Variants in TIAM1 observed in about 807,000 individuals in gnomAD.
TIAM1 encodes the protein TIAM Rac1 associated GEF 1.
TIAM1 carries 65 observed loss-of-function variants against 163.5 expected under a neutral mutation model. The ratio of observed to expected loss-of-function variants is 0.40; its 90% CI spans 0.33 to 0.49. The LOEUF (loss-of-function observed/expected upper bound fraction) is 0.49. Ranked by LOEUF, TIAM1 falls within the 20% of genes least tolerant of loss-of-function variation. TIAM1 has a pLI of 0.77. For missense variants in TIAM1, 1,789 were observed against 2,044.7 expected, an observed-to-expected ratio of 0.87 and a Z score of 2.41; for synonymous variants, 833 against 810.1, an observed-to-expected ratio of 1.03 and a Z score of -0.48.
intron 10 of TIAM1, among the ~76,000 whole-genome samples, chr21:31,210,606 G>A (rs1430909807): frequency 1.0e-4 from 8 of 76,810 alleles, no homozygotes; most frequent in Admixed American, 1.5e-4. Flanking sequence ...GAGAAAGAAG[G>A]AAGGAAGGGA....
chr21:31,215,986 C>A (rs1220812093), intron 9 of TIAM1, among the ~76,000 whole-genome samples: 1 of 152,118 alleles, frequency 6.6e-6, no homozygotes, highest in Non-Finnish European at 1.5e-5. Flanking sequence ...CATGGTGAAA[C>A]CCCATCTCTA....
intron 6 of TIAM1, among the ~76,000 whole-genome samples, chr21:31,229,942 C>T (rs1427938615): frequency 1.3e-5 from 2 of 152,164 alleles, no homozygotes; most frequent in African/African-American, 4.8e-5. Flanking sequence ...CGTGAGCTAC[C>T]GCGCCCGGCC....
chr21:31,150,613 T>C (rs967624851), intron 19 of TIAM1, among the ~76,000 whole-genome samples: 2 of 152,102 alleles, frequency 1.3e-5, no homozygotes, highest in Non-Finnish European at 2.9e-5. Flanking sequence ...TGTAAAACTA[T>C]AAAACTTCTA....
upstream of TIAM1, among the ~76,000 whole-genome samples, chr21:31,345,898 C>A (rs182752159): frequency 6.6e-6 from 1 of 152,224 alleles, no homozygotes; most frequent in East Asian, 1.9e-4. Context: ...TGCAGTGAGC[C>A]AAGATCACAC....
chr21:31,251,347 T>C (rs2071793713), intron 5 of TIAM1, among the ~76,000 whole-genome samples: 1 of 152,152 alleles, frequency 6.6e-6, no homozygotes, highest in African/African-American at 2.4e-5. Context: ...GAATAGGTTC[T>C]AGCTTATTTA....
At chr21:31,388,981 C>T (rs932805540) in intron 2 of TIAM1, among the ~76,000 whole-genome samples, 3 of 152,146 alleles carry the variant, frequency 2.0e-5, no homozygotes, top group African/African-American at 4.8e-5. Context: ...TGCAAAGGGC[C>T]GGATGGTAAA....
At chr21:31,153,984 AGCGCAGGAAGTAAAG>A (rs1172531821) in intron 17 of TIAM1, among the ~76,000 whole-genome samples, 1 of 152,214 alleles carries the variant, frequency 6.6e-6, no homozygotes, top group East Asian at 1.9e-4. Context: ...GGATTACTTG[AGCGCAGGAAGTAAAG>A]GCTGCAGTGA....
chr21:31,218,400 T>A (rs1348868541), intron 8 of TIAM1, among the ~76,000 whole-genome samples: 1 of 152,016 alleles, frequency 6.6e-6, no homozygotes, highest in Non-Finnish European at 1.5e-5. Context: ...AAACCCTGTC[T>A]TAACTAAAAA....
At position 31,127,050 on chromosome 21, in the gene TIAM1, C is replaced by T. The variant is rs774772394; in HGVS notation, c.4133+15G>A. On this transcript the variant is annotated intron_variant, in intron 26 of 27. Transcript: ENST00000541036. ...AAATGTCAACACGGCCTCGACTTTACAGGCCCAGGCTCACCTGCAGCACAA... is the reference window on the plus strand; with the variant it reads ...AAATGTCAACACGGCCTCGACTTTATAGGCCCAGGCTCACCTGCAGCACAA... 3 of 1,613,112 alleles carry T rather than the reference C, an allele frequency of 1.9e-6. No individual in the cohort carries two copies. Among genetic ancestry groups the T allele is most frequent in the African/African-American group, 2.7e-5 (2 of 74,888 alleles).
At chr21:31,377,564 A>C (rs1261065593) in intron 2 of TIAM1, among the ~76,000 whole-genome samples, 2 of 152,166 alleles carry the variant, frequency 1.3e-5, no homozygotes, top group Admixed American at 6.5e-5. Flanking sequence ...CGCCTCTGAC[A>C]GACACTGATG....
chr21:31,225,877 T>C lies in TIAM1; in HGVS notation c.1658A>G (p.His553Arg). 6.2e-7 allele frequency: 1 copy of C among 1,614,208 alleles called. No homozygotes were observed. Residue 553 changes from histidine to arginine, a missense_variant, in exon 7 of 28, where the codon CAC becomes CGC. Physicochemically the swap from His to Arg is conservative, Grantham distance 29. Around this residue, in one of 5 missense-constraint regions of TIAM1, gnomAD observed 456 missense variants for 586.6 expected, o/e 0.78. Transcript: ENST00000541036. Reference sequence around the variant, plus strand: ...TCGGAGCGTGTCTTCCTTGTGGTGGTGCCTCGCGACCGCAGTGGCGCAGGC... The same window carrying C: ...TCGGAGCGTGTCTTCCTTGTGGTGGCGCCTCGCGACCGCAGTGGCGCAGGC... The part of the protein sequence containing the change: ...HSACATAVAR[H>R]HHKEDTLRLL...
At chr21:31,434,641 C>A (rs533482495) in intron 2 of TIAM1, among the ~76,000 whole-genome samples, 14 of 152,354 alleles carry the variant, frequency 9.2e-5, no homozygotes, top group African/African-American at 3.4e-4. Flanking sequence ...TCCTAACAGG[C>A]CATCACTGCA....
chr21:31,237,979 T>C (rs1006516156), intron 6 of TIAM1, among the ~76,000 whole-genome samples: 2 of 152,226 alleles, frequency 1.3e-5, no homozygotes, highest in South Asian at 4.1e-4. Context: ...TAGCACTTCT[T>C]CCATATACAT....
chr21:31,382,190 C>T (rs2076789617), intron 2 of TIAM1, among the ~76,000 whole-genome samples: 1 of 152,170 alleles, frequency 6.6e-6, no homozygotes, highest in South Asian at 2.1e-4. Context: ...TATGCTTTTG[C>T]TAACTCTTAT....
intron 2 of TIAM1, among the ~76,000 whole-genome samples, chr21:31,284,373 G>A (rs1048159039): frequency 7.2e-5 from 11 of 152,146 alleles, no homozygotes; most frequent in African/African-American, 2.7e-4. Flanking sequence ...CTTGGACAGA[G>A]CTGCCTCCCA....
At chr21:31,368,614 G>C (rs965693935) in intron 2 of TIAM1, among the ~76,000 whole-genome samples, 1 of 152,152 alleles carries the variant, frequency 6.6e-6, no homozygotes, top group Non-Finnish European at 1.5e-5. Flanking sequence ...ATAGATGCGT[G>C]AACAGATCCC....
chr21:31,173,348 C>T (rs1429046724), intron 15 of TIAM1, among the ~76,000 whole-genome samples: 1 of 152,142 alleles, frequency 6.6e-6, no homozygotes, highest in Non-Finnish European at 1.5e-5. Context: ...AGCTTAAACA[C>T]TGTCAATAAA....
intron 8 of TIAM1, among the ~76,000 whole-genome samples, chr21:31,222,695 ATATATATATATATTTTTTTTTTTTTTT>A (rs2087644834): frequency 2.8e-5 from 1 of 35,834 alleles, no homozygotes; most frequent in African/African-American, 1.4e-4. Context: ...ATATATATAT[ATATATATATATATTTTTTTTTTTTTTT>A]TTTTTTTTTT....
At chr21:31,227,902 T>C (rs188328372) in intron 6 of TIAM1, among the ~76,000 whole-genome samples, 1 of 152,038 alleles carries the variant, frequency 6.6e-6, no homozygotes, top group Admixed American at 6.6e-5. Flanking sequence ...TAGGTGGGGT[T>C]ATACTCCCAG....
Sources: gnomAD v4.1 joint callset for allele counts (sites outside exome capture counted in the v4.1 genomes callset) on GRCh38, gnomAD v4.1.1 for gene constraint, gnomAD v4.1.1 regional missense constraint, MANE v1.5 for transcripts, NCBI Gene and HGNC (gene_info 2026-07-23, HGNC 2026-07-21) for gene names.